Variants in ABHD5 observed in about 807,000 individuals in gnomAD.
ABHD5 encodes 1-acylglycerol-3-phosphate O-acyltransferase ABHD5.
In ABHD5, 30 loss-of-function variants were observed where a neutral mutation model predicts 44.9. That is an observed-to-expected ratio of 0.67 (90% CI 0.50 to 0.91). The LOEUF is 0.91. ABHD5 is among the 40% of genes least tolerant of loss of function. ABHD5 has a pLI of 0.00. For synonymous variants in ABHD5, 167 were observed against 147.0 expected (o/e 1.14, Z -0.99); for missense variants, 399 against 423.4 (o/e 0.94, Z 0.50).
At chr3:43,730,401 T>G (rs1351505525) in intron 7 of ABHD5, among the ~76,000 whole-genome samples, 1 of 152,164 alleles carries the variant, frequency 6.6e-6, no homozygotes, top group Non-Finnish European at 1.5e-5. Flanking sequence ...GGTGAGAGAC[T>G]TTGGACTTCC....
chr3:43,702,344 T>C lies in ABHD5; in HGVS notation c.263T>C (p.Leu88Pro), dbSNP rs762239030. The C allele has an allele frequency of 6.2e-7, 1 of 1,614,084 alleles. No individual in the cohort carries two copies. The highest frequency in any genetic ancestry group is 8.5e-7 in the Non-Finnish European group (1 of 1,179,888). Residue 88 changes from leucine to proline, a missense_variant, in exon 3 of 7, where the codon CTT (leucine) becomes CCT (proline). Leu to Pro is a moderately conservative substitution (Grantham distance 98). Transcript: ENST00000644371. ...LVLLHGFGGG[L>P]GLWALNFGDL... Reference sequence around the variant, plus strand: ...CTTCTCCATGGTTTTGGAGGAGGTCTTGGGCTCTGGGCACTGAATTTTGGA... The same window carrying C: ...CTTCTCCATGGTTTTGGAGGAGGTCCTGGGCTCTGGGCACTGAATTTTGGA...
At chr3:43,695,841 A>G (rs1275514937) in intron 1 of ABHD5, among the ~76,000 whole-genome samples, 2 of 152,234 alleles carry the variant, frequency 1.3e-5, no homozygotes, top group African/African-American at 4.8e-5. Context: ...AATATACTCT[A>G]TTAATATGTT....
chr3:43,725,083 GTGAGTCTCCGTAATT>G (rs2084868804), downstream of ABHD5, among the ~76,000 whole-genome samples: 1 of 152,188 alleles, frequency 6.6e-6, no homozygotes, highest in African/African-American at 2.4e-5. Context: ...ATGGCAGGTT[GTGAGTCTCCGTAATT>G]TAAGTATTGG....
chr3:43,703,281 G>T (rs1415482139), intron 3 of ABHD5, among the ~76,000 whole-genome samples: 1 of 150,912 alleles, frequency 6.6e-6, no homozygotes, highest in Non-Finnish European at 1.5e-5. Flanking sequence ...CCAGGCCCAA[G>T]CAATTCTTCT....
chr3:43,726,221 A>C (rs973129739), downstream of ABHD5, among the ~76,000 whole-genome samples: 2 of 152,194 alleles, frequency 1.3e-5, no homozygotes, highest in African/African-American at 4.8e-5. Flanking sequence ...AGCAATGGAA[A>C]TGATGAAATG....
chr3:43,695,304 G>GTAAATA (rs1396348467), intron 1 of ABHD5, among the ~76,000 whole-genome samples: 4 of 152,062 alleles, frequency 2.6e-5, no homozygotes, highest in Non-Finnish European at 5.9e-5. Context: ...AAATATAAAT[G>GTAAATA]TAAATATAAA....
intron 3 of ABHD5, among the ~76,000 whole-genome samples, chr3:43,705,940 G>A (rs778374915): frequency 4.6e-5 from 7 of 151,968 alleles, no homozygotes; most frequent in Non-Finnish European, 1.0e-4. Flanking sequence ...TTACATAGAT[G>A]ATCTGATAGT....
Position 43,721,927 on chromosome 3 carries a change from C to A in ABHD5, c.*3395C>A, listed in dbSNP as rs2084841652. ...TAAAATAATGGAAATACCTTTCTTACCTGTGAGATTGGGGAAAATCCAAGT... is the reference window on the plus strand; with the variant it reads ...TAAAATAATGGAAATACCTTTCTTAACTGTGAGATTGGGGAAAATCCAAGT... On this transcript the variant is annotated 3_prime_UTR_variant, in exon 7 of 7. Transcript: ENST00000644371. 1 of 152,094 alleles carries A rather than the reference C, an allele frequency of 6.6e-6. No homozygotes were observed. The highest frequency in any genetic ancestry group is 6.5e-5 in the Admixed American group (1 of 15,270). The allele number at this position is 152,094 out of a possible 1,614,324, so 9.4% of individuals were successfully genotyped here. A position where few individuals can be genotyped will look rare whatever the true frequency, so the allele number is the denominator to read the frequency against.
chr3:43,716,005 C>T (rs957652271), intron 5 of ABHD5, among the ~76,000 whole-genome samples: 2 of 152,068 alleles, frequency 1.3e-5, no homozygotes, highest in Non-Finnish European at 2.9e-5. Context: ...TGTATTTTGA[C>T]AGTGATTAGA....
upstream of ABHD5, chr3:43,690,908 C>T (rs1389922148): frequency 4.2e-6 from 6 of 1,443,234 alleles, no homozygotes; most frequent in South Asian, 1.3e-5. Context: ...CCTGCGCCGC[C>T]TTAAGTGCCG....
downstream of ABHD5, chr3:43,722,852 A>G (rs1225471765): frequency 1.3e-5 from 2 of 152,246 alleles, no homozygotes; most frequent in African/African-American, 4.8e-5. Context: ...GAAAAGAGAC[A>G]CAAGAATATA....
intron 7 of ABHD5, among the ~76,000 whole-genome samples, chr3:43,729,691 T>C (rs2084900994): frequency 6.6e-6 from 1 of 152,196 alleles, no homozygotes; most frequent in African/African-American, 2.4e-5. Context: ...TTTTGAGATA[T>C]CACAAAGCTA....
intron 7 of ABHD5, among the ~76,000 whole-genome samples, chr3:43,728,959 G>C (rs2084896260): frequency 1.3e-5 from 2 of 152,206 alleles, no homozygotes; most frequent in Non-Finnish European, 1.5e-5. Flanking sequence ...AGAATCCCAT[G>C]TAAAAGTAAG....
intron 1 of ABHD5, among the ~76,000 whole-genome samples, chr3:43,692,535 TAGC>T (rs1187196778): frequency 4.6e-5 from 7 of 152,212 alleles, no homozygotes; most frequent in African/African-American, 1.7e-4. Flanking sequence ...AAAAAATCCT[TAGC>T]AGCTGATCAG....
downstream of ABHD5, among the ~76,000 whole-genome samples, chr3:43,726,762 G>C (rs1406284349): frequency 6.6e-6 from 1 of 152,192 alleles, no homozygotes; most frequent in African/African-American, 2.4e-5. Context: ...CATCAAGGCT[G>C]CTTGTTGCAA....
chr3:43,726,714 C>T (rs1371062416), downstream of ABHD5, among the ~76,000 whole-genome samples: 2 of 152,200 alleles, frequency 1.3e-5, no homozygotes, highest in African/African-American at 4.8e-5. Flanking sequence ...TGTGCCAACT[C>T]ACAGAGCATT....
chr3:43,717,676 A>G lies in ABHD5; in HGVS notation c.779A>G (p.Glu260Gly). ...YHCNVQTPSG[E>G]TAFKNMTIPY... ...TTTTCTCCTTGCCGTTAAAGTGGTG[A>G]GACAGCTTTCAAGAATATGACTATT... Residue 260 changes from glutamate to glycine, a missense_variant, in exon 6 of 7, where the codon GAG becomes GGG. Coordinates refer to ENST00000644371, the MANE Select transcript of ABHD5 (RefSeq NM_016006.6). 6.2e-7 allele frequency: 1 copy of G among 1,614,218 alleles called. No individual in the cohort carries two copies. The highest frequency in any genetic ancestry group is 8.5e-7 in the Non-Finnish European group (1 of 1,180,032).
At chr3:43,696,267 G>T (rs1383846268) in intron 1 of ABHD5, among the ~76,000 whole-genome samples, 1 of 152,186 alleles carries the variant, frequency 6.6e-6, no homozygotes, top group Non-Finnish European at 1.5e-5. Context: ...AGAGAAGTTA[G>T]GTTTTGCTTT....
chr3:43,714,281 C>T (rs1290217417), intron 4 of ABHD5, among the ~76,000 whole-genome samples: 4 of 151,850 alleles, frequency 2.6e-5, no homozygotes, highest in African/African-American at 9.7e-5. Flanking sequence ...ATTACAGGTG[C>T]ACGCCACCAC....
Sources: allele counts gnomAD v4.1 joint callset (sites outside exome capture counted in the v4.1 genomes callset), GRCh38; gene constraint gnomAD v4.1.1; transcripts MANE v1.5; gene names NCBI Gene and HGNC (gene_info 2026-07-23, HGNC 2026-07-21).